The following TMPRSS15 variants were observed in gnomAD, a reference collection of about 807,000 sequenced individuals.
TMPRSS15 encodes the protein transmembrane serine protease 15.
In TMPRSS15, 128 loss-of-function variants were observed where a neutral mutation model predicts 125.3. The ratio of observed to expected loss-of-function variants is 1.02; its 90% CI spans 0.89 to 1.18. The LOEUF (loss-of-function observed/expected upper bound fraction) is 1.18. Among genes scored for constraint, TMPRSS15 ranks in the 50% most tolerant of loss-of-function variants. TMPRSS15 has a pLI of 0.00. For missense variants in TMPRSS15, 1,283 were observed against 1,212.7 expected, an observed-to-expected ratio of 1.06 and a Z score of -0.86; for synonymous variants, 446 against 423.2, an observed-to-expected ratio of 1.05 and a Z score of -0.66.
intron 1 of TMPRSS15, among the ~76,000 whole-genome samples, chr21:18,467,259 G>A (rs1978684499): frequency 6.6e-6 from 1 of 152,062 alleles, no homozygotes; most frequent in African/African-American, 2.4e-5. Context: ...GCCTGTCGAT[G>A]GGTAGGAGGC....
At chr21:18,422,770 A>T (rs1269635745) in intron 1 of TMPRSS15, among the ~76,000 whole-genome samples, 1 of 152,224 alleles carries the variant, frequency 6.6e-6, no homozygotes, top group Non-Finnish European at 1.5e-5. Context: ...GCATGTGTCA[A>T]TTTAGCTGAA....
intron 21 of TMPRSS15, among the ~76,000 whole-genome samples, chr21:18,282,245 A>G (rs1012981832): frequency 6.6e-6 from 1 of 151,996 alleles, no homozygotes; most frequent in African/African-American, 2.4e-5. Context: ...TGTAGAACAG[A>G]TTAAATTGGG....
chr21:18,326,590 G>C lies in TMPRSS15; in HGVS notation c.1781-18C>G. The stretch of plus-strand genomic sequence containing the variant: ...GTACACAGCTGTTCCAAAGGAAAAC[G>C]AGATAATCAGTGAGATGATCCTTTG... On this transcript the variant is annotated intron_variant, in intron 15 of 24. Coordinates refer to ENST00000284885, the MANE Select transcript of TMPRSS15 (RefSeq NM_002772.3). The C allele has an allele frequency of 5.6e-6, 9 of 1,613,890 alleles. No homozygotes were observed. Among genetic ancestry groups the C allele is most frequent in the Non-Finnish European group, 7.6e-6 (9 of 1,179,870 alleles).
At chr21:18,420,302 A>G (rs1483272275) in intron 1 of TMPRSS15, among the ~76,000 whole-genome samples, 1 of 152,312 alleles carries the variant, frequency 6.6e-6, no homozygotes, top group Middle Eastern at 3.4e-3. Flanking sequence ...GGCTGAAGTC[A>G]CCATTATTTA....
chr21:18,426,501 C>T (rs1384309570), intron 1 of TMPRSS15, among the ~76,000 whole-genome samples: 1 of 152,120 alleles, frequency 6.6e-6, no homozygotes, highest in Non-Finnish European at 1.5e-5. Flanking sequence ...AAAATATAAA[C>T]AAAAGTCAAT....
At position 18,280,575 on chromosome 21, in the gene TMPRSS15, C is replaced by CAAAAAAAAAAAAAAAAAA. The variant is rs1230513414; in HGVS notation, c.2668+447_2668+464dup. 6.0e-4 allele frequency among the ~76,000 whole-genome samples: 29 copies of CAAAAAAAAAAAAAAAAAA among 48,340 alleles called. 1 individual carries two copies. The highest frequency in any genetic ancestry group is 1.9e-3 in the African/African-American group (20 of 10,660). The allele number at this position is 48,340 out of a possible 152,430, so 31.7% of individuals were successfully genotyped here. On this transcript the variant is annotated intron_variant, in intron 22 of 24. Coordinates refer to ENST00000284885, the MANE Select transcript of TMPRSS15 (RefSeq NM_002772.3). The stretch of plus-strand genomic sequence containing the variant: ...TGGGCAACAGAGCGAGACTCCGTCT[C>CAAAAAAAAAAAAAAAAAA]AAAAAAAAAAAAAAAAAAAACAACA...
At chr21:18,280,446 T>C (rs1049987286) in intron 22 of TMPRSS15, among the ~76,000 whole-genome samples, 2 of 151,888 alleles carry the variant, frequency 1.3e-5, no homozygotes, top group South Asian at 2.1e-4. Flanking sequence ...CTGGGCATCA[T>C]GGCATGCACC....
intron 18 of TMPRSS15, among the ~76,000 whole-genome samples, chr21:18,308,376 TACAC>T (rs3138687): frequency 7.4e-5 from 11 of 148,670 alleles, no homozygotes; most frequent in Non-Finnish European, 1.3e-4. Context: ...TAAAAAGAAT[TACAC>T]ACACACACAC....
intron 8 of TMPRSS15, among the ~76,000 whole-genome samples, chr21:18,357,264 A>G (rs148123232): frequency 2.0e-5 from 3 of 151,984 alleles, no homozygotes; most frequent in African/African-American, 7.2e-5. Context: ...TAACTTTCCC[A>G]GCACTCTATT....
Position 18,332,077 on chromosome 21 carries a change from G to A in TMPRSS15, c.1654+7C>T. 6.2e-7 allele frequency: 1 copy of A among 1,611,042 alleles called. No individual in the cohort carries two copies. On this transcript the variant is annotated splice_region_variant and intron_variant, in intron 14 of 24. Transcript: ENST00000284885. ...GTTTCTGATGACCTGGAAAAGAAAT[G>A]ACTCACAGAAAGCCAGATTAGGGTA...
At chr21:18,459,141 T>C (rs1421096337) in intron 1 of TMPRSS15, among the ~76,000 whole-genome samples, 1 of 152,210 alleles carries the variant, frequency 6.6e-6, no homozygotes, top group African/African-American at 2.4e-5. Flanking sequence ...ATTCATTTAC[T>C]CCAGCATTAT....
At chr21:18,280,032 A>G (rs1400128952) in intron 22 of TMPRSS15, among the ~76,000 whole-genome samples, 1 of 152,118 alleles carries the variant, frequency 6.6e-6, no homozygotes, top group African/African-American at 2.4e-5. Flanking sequence ...TATACAACTA[A>G]CCGTAGCAAT....
At chr21:18,337,691 T>C (rs1292962684) in intron 13 of TMPRSS15, among the ~76,000 whole-genome samples, 1 of 152,190 alleles carries the variant, frequency 6.6e-6, no homozygotes, top group East Asian at 1.9e-4. Flanking sequence ...GCGTTATTAC[T>C]CAGTCACTGA....
chr21:18,470,425 T>C (rs918794694), intron 1 of TMPRSS15, among the ~76,000 whole-genome samples: 9 of 152,152 alleles, frequency 5.9e-5, no homozygotes, highest in South Asian at 2.1e-4. Flanking sequence ...TTATACTGTA[T>C]ACCTAGGTCT....
At chr21:18,339,111 A>G (rs1319697771) in intron 13 of TMPRSS15, among the ~76,000 whole-genome samples, 1 of 152,114 alleles carries the variant, frequency 6.6e-6, no homozygotes, top group Non-Finnish European at 1.5e-5. Context: ...TCATGTAGTA[A>G]TGGTTATTGC....
At chr21:18,441,281 C>CAAACAAAACAAAACA (rs371605283) in intron 1 of TMPRSS15, among the ~76,000 whole-genome samples, 12,533 of 149,150 alleles carry the variant, frequency 0.084, 595 homozygotes, top group Admixed American at 0.11. Flanking sequence ...AACTCCGTCT[C>CAAACAAAACAAAACA]AAACAAAACA....
At chr21:18,339,950 G>T (rs1007190502) in intron 13 of TMPRSS15, among the ~76,000 whole-genome samples, 11 of 152,150 alleles carry the variant, frequency 7.2e-5, no homozygotes, top group African/African-American at 2.7e-4. Context: ...TGACTTAAAA[G>T]ATCTTATAGG....
intron 1 of TMPRSS15, among the ~76,000 whole-genome samples, chr21:18,460,188 T>C (rs979960577): frequency 2.0e-5 from 3 of 152,162 alleles, no homozygotes; most frequent in Non-Finnish European, 4.4e-5. Context: ...TCTAGAGCAA[T>C]ATGGAAAATG....
At chr21:18,344,120 A>T in intron 10 of TMPRSS15, 60 bp from the exon 11 acceptor site, 1 of 1,394,920 alleles carries the variant, frequency 7.2e-7, no homozygotes, top group Non-Finnish European at 1.0e-6. Context: ...TTGTGTGACA[A>T]GTAGACTTTG....
Sources: gnomAD v4.1 joint callset for allele counts (sites outside exome capture counted in the v4.1 genomes callset) on GRCh38, gnomAD v4.1.1 for gene constraint, MANE v1.5 for transcripts, NCBI Gene and HGNC (gene_info 2026-07-23, HGNC 2026-07-21) for gene names.